ATG10: variants seen among roughly 807,000 people sequenced by gnomAD.
The protein encoded by ATG10 is ubiquitin-like-conjugating enzyme ATG10.
A neutral mutation model predicts 32.1 loss-of-function variants in ATG10; 30 were observed. The ratio of observed to expected loss-of-function variants is 0.94; its 90% confidence interval spans 0.70 to 1.27. ATG10 has a LOEUF of 1.27. Among genes scored for constraint, ATG10 ranks in the 50% most tolerant of loss-of-function variants. The pLI is 0.00. For synonymous variants in ATG10, 87 were observed against 91.5 expected (o/e 0.95, Z 0.28); for missense variants, 233 against 262.3 (o/e 0.89, Z 0.77).
intron 2 of ATG10, among the ~76,000 whole-genome samples, chr5:82,050,832 T>A (rs1357420638): frequency 1.1e-5 from 1 of 91,074 alleles, no homozygotes; most frequent in African/African-American, 4.4e-5. Flanking sequence ...CAAGACCCCA[T>A]CTCTACCAAA....
chr5:81,979,309 C>T (rs767640333), intron 1 of ATG10, among the ~76,000 whole-genome samples: 3 of 152,172 alleles, frequency 2.0e-5, no homozygotes, highest in Non-Finnish European at 4.4e-5. Context: ...GGACGGATCA[C>T]GAGGTCAGGA....
At chr5:82,049,441 CG>C (rs1292926620) in intron 2 of ATG10, among the ~76,000 whole-genome samples, 1 of 151,096 alleles carries the variant, frequency 6.6e-6, no homozygotes, top group Non-Finnish European at 1.5e-5. Flanking sequence ...GGGAGATATA[CG>C]TAATGCTAGA....
chr5:82,215,862 G>A (rs1745656791), intron 5 of ATG10, among the ~76,000 whole-genome samples: 1 of 151,704 alleles, frequency 6.6e-6, no homozygotes, highest in Non-Finnish European at 1.5e-5. Flanking sequence ...TTGAACCTGG[G>A]AGGTGAAGGT....
intron 2 of ATG10, among the ~76,000 whole-genome samples, chr5:81,988,765 T>A (rs1761364995): frequency 6.6e-6 from 1 of 152,164 alleles, no homozygotes; most frequent in Non-Finnish European, 1.5e-5. Flanking sequence ...TTCGATTCAG[T>A]AATAATGTAA....
At chr5:82,024,383 A>G (rs1026083397) in intron 2 of ATG10, among the ~76,000 whole-genome samples, 1 of 152,276 alleles carries the variant, frequency 6.6e-6, no homozygotes, top group African/African-American at 2.4e-5. Flanking sequence ...CAAGGACATC[A>G]GTACAGAAAT....
At chr5:82,028,706 A>G (rs151315134) in intron 2 of ATG10, among the ~76,000 whole-genome samples, 301 of 152,366 alleles carry the variant, frequency 2.0e-3, no homozygotes, top group African/African-American at 6.6e-3. Context: ...TTTTGTCAAA[A>G]GTTTGGGAAC....
chr5:82,161,013 C>CCTT (rs1743307859), intron 3 of ATG10, among the ~76,000 whole-genome samples: 1 of 152,114 alleles, frequency 6.6e-6, no homozygotes, highest in Admixed American at 6.6e-5. Context: ...AAGACAAGAA[C>CCTT]CTTAGTCTTG....
intron 3 of ATG10, among the ~76,000 whole-genome samples, chr5:82,111,196 T>C (rs1179557603): frequency 6.6e-6 from 1 of 152,032 alleles, no homozygotes. Flanking sequence ...ATAAGTCCTA[T>C]AGTTGTTTTA....
chr5:82,240,589 T>C (rs902736596), intron 5 of ATG10, among the ~76,000 whole-genome samples: 41 of 152,182 alleles, frequency 2.7e-4, no homozygotes, highest in African/African-American at 9.9e-4. Flanking sequence ...AGATCTAATG[T>C]TTGTTAGAAC....
At chr5:82,204,414 T>A (rs150106243) in intron 5 of ATG10, among the ~76,000 whole-genome samples, 2,146 of 152,380 alleles carry the variant, frequency 0.014, 123 homozygotes, top group Admixed American at 0.11. Flanking sequence ...ATCTTTTTGA[T>A]AAATAATTTT....
chr5:82,246,705 T>TA (rs1747052610), intron 5 of ATG10, among the ~76,000 whole-genome samples: 1 of 152,224 alleles, frequency 6.6e-6, no homozygotes, highest in Admixed American at 6.5e-5. Flanking sequence ...ATGTCTTTTT[T>TA]AAAAAATTAA....
chr5:82,156,073 A>G (rs971664710), intron 3 of ATG10, among the ~76,000 whole-genome samples: 2 of 152,104 alleles, frequency 1.3e-5, no homozygotes, highest in African/African-American at 2.4e-5. Flanking sequence ...GAATGGGGCA[A>G]TAAACTGGGA....
intron 5 of ATG10, among the ~76,000 whole-genome samples, chr5:82,250,181 A>G (rs1008377697): frequency 6.6e-6 from 1 of 152,214 alleles, no homozygotes; most frequent in African/African-American, 2.4e-5. Context: ...GGATAATTCT[A>G]AATTTTTTTG....
At chr5:82,120,536 G>A (rs991363085) in intron 3 of ATG10, among the ~76,000 whole-genome samples, 1 of 152,176 alleles carries the variant, frequency 6.6e-6, no homozygotes, top group Admixed American at 6.5e-5. Flanking sequence ...ACCTGAAGTA[G>A]GATGGAAGTG....
At chr5:82,166,126 G>C (rs1193968674) in intron 4 of ATG10, among the ~76,000 whole-genome samples, 1 of 152,114 alleles carries the variant, frequency 6.6e-6, no homozygotes, top group East Asian at 1.9e-4. Flanking sequence ...TTACAGTACA[G>C]CACAGTAATT....
intron 5 of ATG10, among the ~76,000 whole-genome samples, chr5:82,197,728 A>G (rs200032493): frequency 9.7e-6 from 1 of 102,762 alleles, no homozygotes; most frequent in Non-Finnish European, 2.0e-5. Context: ...CTTTCTATCT[A>G]TCTATCTATC....
chr5:82,039,553 G>A (rs756237910), intron 2 of ATG10, among the ~76,000 whole-genome samples: 1 of 152,022 alleles, frequency 6.6e-6, no homozygotes, highest in African/African-American at 2.4e-5. Flanking sequence ...ATACAATTAC[G>A]GTTGTAATCA....
At chr5:81,986,703 A>G (rs1358156751) in intron 1 of ATG10, among the ~76,000 whole-genome samples, 2 of 152,150 alleles carry the variant, frequency 1.3e-5, no homozygotes, top group Non-Finnish European at 2.9e-5. Flanking sequence ...AAAGGCATCT[A>G]GAGTGTTTAC....
At chr5:82,197,204 G>C (rs1225603203) in intron 5 of ATG10, among the ~76,000 whole-genome samples, 3 of 152,070 alleles carry the variant, frequency 2.0e-5, no homozygotes, top group Non-Finnish European at 4.4e-5. Context: ...TTCTCTGCTA[G>C]TGTAGAAATA....
Sources: allele counts gnomAD v4.1 joint callset (sites outside exome capture counted in the v4.1 genomes callset), GRCh38; gene constraint gnomAD v4.1.1; transcripts MANE v1.5; gene names NCBI Gene and HGNC (gene_info 2026-07-23, HGNC 2026-07-21).